Variants in AMPH observed in about 807,000 individuals in gnomAD.
AMPH encodes amphiphysin, also known as amphiphysin (Stiff-Mann syndrome with breast cancer 128kD autoantigen).
A neutral mutation model predicts 99.1 loss-of-function variants in AMPH; 49 were observed. That is an observed-to-expected ratio of 0.49 (90% CI 0.39 to 0.63). The LOEUF is 0.63. Among genes scored for constraint, AMPH ranks in the 20% least tolerant of loss-of-function variants. The probability of loss-of-function intolerance (pLI) is 0.00; values close to 1 mark genes in which losing one functional copy is unlikely to be tolerated. For missense variants in AMPH, 759 were observed against 863.4 expected (o/e 0.88, Z 1.52); for synonymous variants, 314 against 317.3 (o/e 0.99, Z 0.11).
intron 1 of AMPH, among the ~76,000 whole-genome samples, chr7:38,597,741 A>C (rs1793109986): frequency 6.6e-6 from 1 of 152,208 alleles, no homozygotes. Context: ...ACTCAATGGA[A>C]AATACTAATA....
chr7:38,387,125 C>T (rs1408630603), intron 20 of AMPH, among the ~76,000 whole-genome samples: 3 of 150,294 alleles, frequency 2.0e-5, no homozygotes, highest in African/African-American at 7.5e-5. Context: ...GGGAATTATC[C>T]AGTAATTTAT....
At chr7:38,510,617 G>T (rs1789501845) in intron 2 of AMPH, among the ~76,000 whole-genome samples, 1 of 152,168 alleles carries the variant, frequency 6.6e-6, no homozygotes, top group Non-Finnish European at 1.5e-5. Context: ...CTGAGAACTT[G>T]CCCAAAGTCA....
intron 11 of AMPH, among the ~76,000 whole-genome samples, chr7:38,441,815 A>ATCTATCATATC (rs1165540347): frequency 0.052 from 4,508 of 87,168 alleles, 502 homozygotes; most frequent in East Asian, 0.47. Flanking sequence ...TATATCATAT[A>ATCTATCATATC]TATCATATAT....
intron 20 of AMPH, among the ~76,000 whole-genome samples, chr7:38,388,705 T>A (rs1470743463): frequency 6.6e-6 from 1 of 152,128 alleles, no homozygotes; most frequent in East Asian, 1.9e-4. Flanking sequence ...AGTGGTGTGA[T>A]CATGGCTCAC....
At chr7:38,425,737 T>C (rs992830249) in intron 15 of AMPH, among the ~76,000 whole-genome samples, 9 of 152,136 alleles carry the variant, frequency 5.9e-5, no homozygotes, top group Admixed American at 6.5e-5. Context: ...AGAAGCAGCA[T>C]TATAAGAAAC....
chr7:38,422,772 C>T (rs1785636607), intron 15 of AMPH, among the ~76,000 whole-genome samples: 2 of 152,218 alleles, frequency 1.3e-5, no homozygotes, highest in Non-Finnish European at 1.5e-5. Context: ...GCGCACATCA[C>T]CACGCCTGGC....
At chr7:38,485,628 AC>A (rs530630005) in intron 5 of AMPH, among the ~76,000 whole-genome samples, 5 of 151,952 alleles carry the variant, frequency 3.3e-5, no homozygotes, top group Non-Finnish European at 7.4e-5. Context: ...AATGGACCTA[AC>A]AGACATATAC....
At chr7:38,602,009 T>C (rs1793262236) in intron 1 of AMPH, among the ~76,000 whole-genome samples, 1 of 152,194 alleles carries the variant, frequency 6.6e-6, no homozygotes, top group African/African-American at 2.4e-5. Context: ...AAATTTTCTA[T>C]GTGGATCTAA....
chr7:38,618,948 C>A (rs1006426894), intron 1 of AMPH, among the ~76,000 whole-genome samples: 1 of 152,058 alleles, frequency 6.6e-6, no homozygotes, highest in East Asian at 1.9e-4. Flanking sequence ...CAAAATTGAT[C>A]CAAAAAATCT....
intron 2 of AMPH, among the ~76,000 whole-genome samples, chr7:38,522,353 T>G (rs1789998130): frequency 6.6e-6 from 1 of 152,198 alleles, no homozygotes; most frequent in African/African-American, 2.4e-5. Flanking sequence ...GGGTCAAATT[T>G]GTTCTATTGA....
intron 11 of AMPH, among the ~76,000 whole-genome samples, chr7:38,448,928 C>A (rs2129002306): frequency 6.6e-6 from 1 of 152,268 alleles, no homozygotes; most frequent in South Asian, 2.1e-4. Flanking sequence ...GCTGCAAAAT[C>A]ATTCCTAGTG....
At chr7:38,578,809 T>C (rs1317632998) in intron 1 of AMPH, among the ~76,000 whole-genome samples, 1 of 152,088 alleles carries the variant, frequency 6.6e-6, no homozygotes, top group African/African-American at 2.4e-5. Flanking sequence ...CCTAACAAAC[T>C]CATCACATGT....
At chr7:38,508,252 G>A (rs1030514782) in intron 2 of AMPH, among the ~76,000 whole-genome samples, 1 of 152,146 alleles carries the variant, frequency 6.6e-6, no homozygotes, top group Non-Finnish European at 1.5e-5. Context: ...GGGCAGGGGT[G>A]TGCATCACTA....
chr7:38,420,824 G>C (rs972550899), intron 16 of AMPH: 8 of 386,178 alleles, frequency 2.1e-5, no homozygotes, highest in African/African-American at 1.7e-4. Flanking sequence ...GATTCAAAAG[G>C]GTTTAAACCT....
chr7:38,572,267 A>T (rs1379236076), intron 1 of AMPH, among the ~76,000 whole-genome samples: 1 of 152,114 alleles, frequency 6.6e-6, no homozygotes, highest in Non-Finnish European at 1.5e-5. Flanking sequence ...GTTTAGATAC[A>T]CAAATCCTTA....
intron 12 of AMPH, among the ~76,000 whole-genome samples, chr7:38,433,326 G>C (rs1284356462): frequency 6.6e-6 from 1 of 152,202 alleles, no homozygotes; most frequent in Non-Finnish European, 1.5e-5. Context: ...ACTAAGACAG[G>C]AGAGAACAGC....
chr7:38,464,232 A>C (rs746661908), intron 9 of AMPH: 21 of 813,356 alleles, frequency 2.6e-5, no homozygotes, highest in African/African-American at 3.6e-5. Context: ...CATGTAAGGG[A>C]ACAACCCTAA....
chr7:38,447,122 C>T (rs113699729), intron 11 of AMPH, among the ~76,000 whole-genome samples: 3,336 of 152,130 alleles, frequency 0.022, 115 homozygotes, highest in African/African-American at 0.073. Flanking sequence ...TGGGTTCAAG[C>T]GATTCTCCTG....
chr7:38,399,588 C>T (rs1382051302), intron 17 of AMPH, among the ~76,000 whole-genome samples: 1 of 152,152 alleles, frequency 6.6e-6, no homozygotes, highest in African/African-American at 2.4e-5. Context: ...AATTTGTTAG[C>T]TATTTGTAGA....
Sources: allele counts gnomAD v4.1 joint callset (sites outside exome capture counted in the v4.1 genomes callset), GRCh38; gene constraint gnomAD v4.1.1; transcripts MANE v1.5; gene names NCBI Gene and HGNC (gene_info 2026-07-23, HGNC 2026-07-21).